RAB10: variants seen among roughly 807,000 people sequenced by gnomAD.
RAB10 encodes the protein ras-related protein Rab-10.
Under a neutral mutation model 25.7 loss-of-function variants are expected in RAB10, and 5 were observed. The observed-to-expected ratio is 0.19, with a 90% confidence interval of 0.10 to 0.41. The LOEUF is 0.41. Among genes scored for constraint, RAB10 ranks in the 10% least tolerant of loss-of-function variants. The pLI, the probability that RAB10 is intolerant of heterozygous loss-of-function variation, is 1.00. For missense variants in RAB10, 103 were observed against 245.8 expected (o/e 0.42, Z 3.89); for synonymous variants, 89 against 86.4 (o/e 1.03, Z -0.16).
At chr2:26,052,598 A>G (rs1038279381) in intron 1 of RAB10, among the ~76,000 whole-genome samples, 21 of 151,790 alleles carry the variant, frequency 1.4e-4, no homozygotes, top group Non-Finnish European at 1.2e-4. Context: ...GGGGAGGAGA[A>G]TGTAAGCTTG....
At chr2:26,093,771 G>A (rs1667155597) in intron 1 of RAB10, among the ~76,000 whole-genome samples, 1 of 152,202 alleles carries the variant, frequency 6.6e-6, no homozygotes, top group African/African-American at 2.4e-5. Context: ...TATCCTGAAA[G>A]CATAGAGAAA....
chr2:26,121,484 C>G (rs1212119023), intron 3 of RAB10, among the ~76,000 whole-genome samples: 1 of 152,078 alleles, frequency 6.6e-6, no homozygotes, highest in Non-Finnish European at 1.5e-5. Context: ...ACACCCAGCT[C>G]TATAAACAGG....
chr2:26,106,535 G>A (rs1472119609), intron 2 of RAB10, among the ~76,000 whole-genome samples: 1 of 152,140 alleles, frequency 6.6e-6, no homozygotes, highest in African/African-American at 2.4e-5. Flanking sequence ...TGAGCAATAG[G>A]ACATTCATAG....
intron 3 of RAB10, among the ~76,000 whole-genome samples, chr2:26,114,737 C>CAAAAAAAAAA (rs58252306): frequency 2.3e-4 from 15 of 66,056 alleles, no homozygotes; most frequent in African/African-American, 8.2e-4. Flanking sequence ...CAAAAATATA[C>CAAAAAAAAAA]AAAAAAAAAA....
At chr2:26,117,627 AAAAAAAAAC>A (rs1209128058) in intron 3 of RAB10, among the ~76,000 whole-genome samples, 1 of 146,612 alleles carries the variant, frequency 6.8e-6, no homozygotes, top group African/African-American at 2.5e-5. Context: ...CTCAAAAAAA[AAAAAAAAAC>A]AAAAAAAACA....
chr2:26,113,743 T>TAAAAAAAAAAAAAAAAAAAAAA, intron 3 of RAB10, among the ~76,000 whole-genome samples: 1 of 125,616 alleles, frequency 8.0e-6, no homozygotes, highest in Non-Finnish European at 1.7e-5. Flanking sequence ...CAGCCAGAGC[T>TAAAAAAAAAAAAAAAAAAAAAA]AAAAAAAAAA....
chr2:26,111,148 T>C (rs1667560100), intron 3 of RAB10, among the ~76,000 whole-genome samples: 1 of 152,234 alleles, frequency 6.6e-6, no homozygotes, highest in Non-Finnish European at 1.5e-5. Context: ...AGTAACTCTT[T>C]GAAGCAAATT....
At chr2:26,057,741 G>A (rs919534088) in intron 1 of RAB10, among the ~76,000 whole-genome samples, 3 of 151,842 alleles carry the variant, frequency 2.0e-5, no homozygotes, top group African/African-American at 7.3e-5. Context: ...TCTCACCTCT[G>A]CGTCCCCAGT....
At chr2:26,105,665 G>T (rs1252831028) in intron 2 of RAB10, among the ~76,000 whole-genome samples, 2 of 152,120 alleles carry the variant, frequency 1.3e-5, no homozygotes, top group Non-Finnish European at 2.9e-5. Context: ...AGAAAAAAGA[G>T]AATGCAGTCA....
intron 3 of RAB10, among the ~76,000 whole-genome samples, chr2:26,120,367 A>G (rs1319439110): frequency 6.6e-6 from 1 of 152,198 alleles, no homozygotes; most frequent in Non-Finnish European, 1.5e-5. Context: ...TACAACTTGC[A>G]AAGTTTTATG....
At chr2:26,085,430 G>T (rs1666955872) in intron 1 of RAB10, among the ~76,000 whole-genome samples, 1 of 150,996 alleles carries the variant, frequency 6.6e-6, no homozygotes, top group Admixed American at 6.6e-5. Flanking sequence ...CAGAGGTTGT[G>T]ATGAGCTGAG....
Position 26,086,418 on chromosome 2 carries a change from C to G in RAB10, c.128-12244C>G, listed in dbSNP as rs79790023. Among the ~76,000 whole-genome samples, 885 of 152,198 alleles carry G rather than the reference C, an allele frequency of 5.8e-3. 22 individuals carry two copies. Among genetic ancestry groups the G allele is most frequent in the East Asian group, 0.02 (103 of 5,186 alleles). ...ACCACAATGAGGTATCATTTCCTAC[C>G]CACTAGGATGGCTATTTAAAAACAC... On this transcript the variant is annotated intron_variant, in intron 1 of 5. Transcript: ENST00000264710.
chr2:26,098,647 T>A lies in RAB10; in HGVS notation c.128-15T>A. On this transcript the variant is annotated splice_polypyrimidine_tract_variant and intron_variant, in intron 1 of 5. Coordinates refer to ENST00000264710, the MANE Select transcript of RAB10 (RefSeq NM_016131.5). The stretch of plus-strand genomic sequence containing the variant: ...AAAGCCACAGTTACAGTTTACCTTT[T>A]TTTCTGCATTGTAGGAATAGACTTC... 1.3e-6 allele frequency: 2 copies of A among 1,560,028 alleles called. No individual in the cohort carries two copies. Among genetic ancestry groups the A allele is most frequent in the South Asian group, 2.3e-5 (2 of 87,614 alleles).
At chr2:26,126,472 A>G (rs1667905270) in intron 3 of RAB10, among the ~76,000 whole-genome samples, 1 of 152,108 alleles carries the variant, frequency 6.6e-6, no homozygotes, top group Non-Finnish European at 1.5e-5. Context: ...AGTCCCAGCT[A>G]CTCACAGCTA....
At chr2:26,122,851 G>A (rs1219891533) in intron 3 of RAB10, among the ~76,000 whole-genome samples, 3 of 152,104 alleles carry the variant, frequency 2.0e-5, no homozygotes, top group East Asian at 3.9e-4. Context: ...CCTGGGCACC[G>A]CTGAACAAGT....
intron 5 of RAB10, among the ~76,000 whole-genome samples, chr2:26,133,324 G>A (rs1257678775): frequency 6.6e-6 from 1 of 152,090 alleles, no homozygotes. Context: ...AAATCTCAAA[G>A]ACTGATACTG....
At chr2:26,081,226 C>A (rs1261118898) in intron 1 of RAB10, among the ~76,000 whole-genome samples, 1 of 152,152 alleles carries the variant, frequency 6.6e-6, no homozygotes, top group Non-Finnish European at 1.5e-5. Context: ...AAACCTCTTT[C>A]AATAGTAAAT....
At chr2:26,112,132 C>T (rs578189008) in intron 3 of RAB10, among the ~76,000 whole-genome samples, 1 of 152,320 alleles carries the variant, frequency 6.6e-6, no homozygotes, top group African/African-American at 2.4e-5. Context: ...GGATACGCCA[C>T]CTCTCCCAGC....
At chr2:26,051,764 AAG>A (rs984855507) in intron 1 of RAB10, among the ~76,000 whole-genome samples, 8 of 148,802 alleles carry the variant, frequency 5.4e-5, no homozygotes, top group Admixed American at 1.3e-4. Flanking sequence ...CAAAAAAAAA[AAG>A]AGTCATTAAG....
Sources: allele counts gnomAD v4.1 joint callset (sites outside exome capture counted in the v4.1 genomes callset), GRCh38; gene constraint gnomAD v4.1.1; transcripts MANE v1.5; gene names NCBI Gene and HGNC (gene_info 2026-07-23, HGNC 2026-07-21).